Variants in PSD3 observed in about 807,000 individuals in gnomAD.
The protein encoded by PSD3 is pleckstrin and Sec7 domain containing 3.
A neutral mutation model predicts 105.5 loss-of-function variants in PSD3; 49 were observed. The ratio of observed to expected loss-of-function variants is 0.46; its 90% CI spans 0.37 to 0.59. PSD3 has a LOEUF of 0.59. Ranked by LOEUF, PSD3 falls within the 20% of genes least tolerant of loss-of-function variation. The pLI, the probability that PSD3 is intolerant of heterozygous loss-of-function variation, is 0.00. For missense variants in PSD3, 1,561 were observed against 1,263.8 expected, an observed-to-expected ratio of 1.24 and a Z score of -3.57; for synonymous variants, 557 against 457.8, an observed-to-expected ratio of 1.22 and a Z score of -2.77.
chr8:19,008,618 G>C (rs1172288628), intron 1 of PSD3, among the ~76,000 whole-genome samples: 1 of 152,196 alleles, frequency 6.6e-6, no homozygotes, highest in Non-Finnish European at 1.5e-5. Flanking sequence ...GAGAAAAGCA[G>C]TTCCACTGGC....
chr8:18,790,300 C>CTTTTTTTTTTT (rs1809578819), intron 8 of PSD3, among the ~76,000 whole-genome samples: 1 of 144,458 alleles, frequency 6.9e-6, no homozygotes, highest in African/African-American at 2.6e-5. Flanking sequence ...TTTCTTTTTT[C>CTTTTTTTTTTT]TTTTCTTTTT....
chr8:18,818,892 TG>T (rs1296497195), intron 4 of PSD3, among the ~76,000 whole-genome samples: 2 of 151,596 alleles, frequency 1.3e-5, no homozygotes, highest in African/African-American at 4.8e-5. Flanking sequence ...TGGGGGCAGG[TG>T]GGTTGGGGGG....
intron 1 of PSD3, among the ~76,000 whole-genome samples, chr8:18,936,745 T>C (rs1822162849): frequency 6.7e-6 from 1 of 148,406 alleles, no homozygotes; most frequent in East Asian, 2.0e-4. Flanking sequence ...GTGACAGAGC[T>C]AGACTCCATC....
chr8:18,776,474 C>G (rs905276508), intron 8 of PSD3, among the ~76,000 whole-genome samples: 3 of 151,636 alleles, frequency 2.0e-5, no homozygotes, highest in Middle Eastern at 3.4e-3. Context: ...ACCTATACCT[C>G]CTAGGTTCAA....
chr8:18,572,869 T>G (rs1445591579), intron 13 of PSD3, among the ~76,000 whole-genome samples, 197 bp from the exon 14 acceptor site: 1 of 152,166 alleles, frequency 6.6e-6, no homozygotes, highest in Non-Finnish European at 1.5e-5. Context: ...ATCATCACAG[T>G]GCCAGACTGT....
In PSD3 at chr8:18,556,196, G is replaced by A. The variant is rs747277717; in HGVS notation, c.2928+13C>T. 6.2e-7 allele frequency: 1 copy of A among 1,612,210 alleles called. No individual in the cohort carries two copies. The highest frequency in any genetic ancestry group is 8.5e-7 in the Non-Finnish European group (1 of 1,179,212). ...CAGAAATCAGCATTTACTAACATTT[G>A]GGTGCAACACACCTCAAACTCCAGA... On this transcript the variant is annotated intron_variant, in intron 15 of 15. Coordinates refer to ENST00000327040, the MANE Select transcript of PSD3 (RefSeq NM_015310.4).
chr8:18,914,525 AC>A (rs758632691), intron 2 of PSD3, among the ~76,000 whole-genome samples: 2 of 152,236 alleles, frequency 1.3e-5, no homozygotes, highest in Non-Finnish European at 2.9e-5. Flanking sequence ...GTTGCAGGAT[AC>A]AAAATCAGCA....
chr8:18,875,308 T>C (rs1563374302), intron 2 of PSD3, among the ~76,000 whole-genome samples: 1 of 152,140 alleles, frequency 6.6e-6, no homozygotes, highest in Non-Finnish European at 1.5e-5. Context: ...AAGACAGAAC[T>C]AATAAAATGT....
intron 8 of PSD3, among the ~76,000 whole-genome samples, chr8:18,771,809 C>T (rs1469351968): frequency 1.3e-5 from 2 of 152,200 alleles, no homozygotes; most frequent in South Asian, 4.1e-4. Flanking sequence ...TTAGTATATT[C>T]ACACTGTTGT....
At position 18,532,335 on chromosome 8, in the gene PSD3, T is replaced by C. The variant is rs78123040; in HGVS notation, c.*3408A>G. On this transcript the variant is annotated 3_prime_UTR_variant, in exon 16 of 16. Transcript: ENST00000327040. The stretch of plus-strand genomic sequence containing the variant: ...CACAGGGTGAAATACAAACCTATCT[T>C]AGCCTTGGAAAGCCACCCAGATTTT... The C allele has an allele frequency of 6.6e-6, 1 of 152,196 alleles. No individual in the cohort carries two copies. The highest frequency in any genetic ancestry group is 1.5e-5 in the Non-Finnish European group (1 of 68,036). The allele number at this position is 152,196 out of a possible 1,614,324, so 9.4% of individuals were successfully genotyped here.
At chr8:18,546,589 T>C (rs1018511882) in intron 15 of PSD3, among the ~76,000 whole-genome samples, 4 of 152,196 alleles carry the variant, frequency 2.6e-5, no homozygotes, top group Non-Finnish European at 5.9e-5. Context: ...AATTTTAAAA[T>C]CTCACTACAA....
intron 1 of PSD3, among the ~76,000 whole-genome samples, chr8:18,973,493 C>G (rs1824765474): frequency 6.6e-6 from 1 of 152,154 alleles, no homozygotes; most frequent in African/African-American, 2.4e-5. Context: ...ACTCTGGTGT[C>G]TCTTCCTCTT....
At chr8:18,539,227 G>A (rs1400604324) in intron 15 of PSD3, among the ~76,000 whole-genome samples, 1 of 152,216 alleles carries the variant, frequency 6.6e-6, no homozygotes, top group African/African-American at 2.4e-5. Context: ...ATGCTATCCA[G>A]AGGATTTGAG....
chr8:18,576,943 C>G (rs11784814), intron 12 of PSD3, among the ~76,000 whole-genome samples: 41,315 of 150,286 alleles, frequency 0.27, 6,747 homozygotes, highest in East Asian at 0.45. Context: ...CTTAATTCCT[C>G]TTCCCTATTT....
intron 15 of PSD3, among the ~76,000 whole-genome samples, chr8:18,551,889 T>C (rs1382868426): frequency 1.3e-5 from 2 of 152,142 alleles, no homozygotes; most frequent in Non-Finnish European, 2.9e-5. Flanking sequence ...CATATAAAAC[T>C]GGCTGCAGCC....
rs142573490 is a variant in PSD3, at chr8:18,950,588, T to C, written c.22-14446A>G. Among the ~76,000 whole-genome samples, 3 of 152,284 alleles carry C rather than the reference T, an allele frequency of 2.0e-5. No homozygotes were observed. The East Asian group carries it at 5.8e-4, about 29-fold the overall frequency. On this transcript the variant is annotated intron_variant, in intron 1 of 15. Coordinates refer to ENST00000327040, the MANE Select transcript of PSD3 (RefSeq NM_015310.4). ...TATTCCGCTTTCTGTTTCTATCAGT[T>C]CAACTGTTTTAGAGCCCACATACAA...
At chr8:18,879,037 AACACACACACACAAACACACACACACAC>A (rs1295508692) in intron 2 of PSD3, among the ~76,000 whole-genome samples, 1 of 118,174 alleles carries the variant, frequency 8.5e-6, no homozygotes, top group East Asian at 2.1e-4. Flanking sequence ...CAAACAAACA[AACACACACACACAAACACACACACACAC>A]ACACACACAC....
chr8:18,716,617 T>C (rs1221583105), intron 9 of PSD3, among the ~76,000 whole-genome samples: 1 of 152,184 alleles, frequency 6.6e-6, no homozygotes, highest in Non-Finnish European at 1.5e-5. Context: ...CAAGCTTTGA[T>C]AAGGAGTCTA....
intron 8 of PSD3, among the ~76,000 whole-genome samples, chr8:18,797,923 G>T (rs1405384654): frequency 6.6e-6 from 1 of 152,002 alleles, no homozygotes; most frequent in Non-Finnish European, 1.5e-5. Flanking sequence ...GTTATATGTG[G>T]CCAAACGCAC....
Sources: gnomAD v4.1 joint callset for allele counts (sites outside exome capture counted in the v4.1 genomes callset) on GRCh38, gnomAD v4.1.1 for gene constraint, MANE v1.5 for transcripts, NCBI Gene and HGNC (gene_info 2026-07-23, HGNC 2026-07-21) for gene names.